KASH5: variants seen among roughly 807,000 people sequenced by gnomAD.
The protein encoded by KASH5 is KASH domain containing 5, also known as protein KASH5.
A neutral mutation model predicts 84.2 loss-of-function variants in KASH5; 72 were observed. That is an observed-to-expected ratio of 0.85 (90% CI 0.71 to 1.04). The LOEUF (loss-of-function observed/expected upper bound fraction) is 1.04, where lower values mean the gene tolerates loss of function less well. Among genes scored for constraint, KASH5 ranks in the 50% least tolerant of loss-of-function variants. The probability of loss-of-function intolerance (pLI) is 0.00; values close to 1 mark genes in which losing one functional copy is unlikely to be tolerated. For synonymous variants in KASH5, 260 were observed against 279.1 expected (o/e 0.93, Z 0.68); for missense variants, 650 against 701.0 (o/e 0.93, Z 0.82).
In KASH5 at chr19:49,417,729, G is replaced by GT; in HGVS notation, c.*219_*220insT. The GT allele has an allele frequency of 1.8e-6, 1 of 546,180 alleles. No homozygotes were observed. The highest frequency in any genetic ancestry group is 2.9e-6 in the Non-Finnish European group (1 of 350,030). The allele number at this position is 546,180 out of a possible 1,614,324, so 33.8% of individuals were successfully genotyped here. On this transcript the variant is annotated 3_prime_UTR_variant, in exon 20 of 20. Coordinates refer to ENST00000447857, the MANE Select transcript of KASH5 (RefSeq NM_144688.5). The surrounding 1 kb of genome is among the most constrained non-coding windows in gnomAD (Gnocchi z 5.2). ...CCCCCAGTAATGGATTAAGCACTAA[G>GT]GATTATTCCCTCACAAAACAAGCCT...
chr19:49,396,910 T>C (rs986586592), intron 5 of KASH5, among the ~76,000 whole-genome samples: 3 of 151,886 alleles, frequency 2.0e-5, no homozygotes, highest in African/African-American at 7.3e-5. Flanking sequence ...AATAAAAAAT[T>C]AGCTGAGTGC....
intron 12 of KASH5, 108 bp from the exon 13 acceptor site, chr19:49,408,859 C>A (rs1050931557): frequency 1.7e-6 from 2 of 1,153,842 alleles, no homozygotes; most frequent in Non-Finnish European, 2.5e-6. Flanking sequence ...TCTGGGGAGC[C>A]CAAAGTAGTC....
rs1179284870 is a variant in KASH5, at chr19:49,414,746, C to A, written c.1329-205C>A. Among the ~76,000 whole-genome samples the A allele has an allele frequency of 7.0e-6, 1 of 141,888 alleles. No homozygotes were observed. Among genetic ancestry groups the A allele is most frequent in the Non-Finnish European group, 1.5e-5 (1 of 64,902 alleles). The allele number at this position is 141,888 out of a possible 152,430, so 93.1% of individuals were successfully genotyped here. A position where few individuals can be genotyped will look rare whatever the true frequency, so the allele number is the denominator to read the frequency against. ...GCTGCCTGGCCTCCCCCAGGCCCGT[C>A]CGTGCTGCCTGGCCTCCCCCAGGCC... On this transcript the variant is annotated intron_variant, in intron 16 of 19. Transcript: ENST00000447857. The surrounding 1 kb of genome is among the most constrained non-coding windows in gnomAD (Gnocchi z 4.5).
Position 49,406,934 on chromosome 19 carries a change from G to A in KASH5, c.847G>A (p.Glu283Lys). Residue 283 changes from glutamate to lysine, a missense_variant, in exon 10 of 20, where the codon GAG becomes AAG. Physicochemically the swap from Glu to Lys is moderately conservative, Grantham distance 56. Transcript: ENST00000447857. Reference sequence around the variant, plus strand: ...GGATGGAGTGAAAAAGAGAAGTCAGGAGCTGGCCATGGAGAAGGACACTTT... The same window carrying A: ...GGATGGAGTGAAAAAGAGAAGTCAGAAGCTGGCCATGGAGAAGGACACTTT... ...ERDGVKKRSQ[E>K]LAMEKDTLKR... 6.2e-7 allele frequency: 1 copy of A among 1,602,382 alleles called. No homozygotes were observed. Among genetic ancestry groups the A allele is most frequent in the Non-Finnish European group, 8.5e-7 (1 of 1,174,512 alleles).
Position 49,394,546 on chromosome 19 carries a change from C to T in KASH5, c.114C>T (p.Asn38=), listed in dbSNP as rs1341434658. 6.2e-7 allele frequency: 1 copy of T among 1,613,710 alleles called. No homozygotes were observed. Among genetic ancestry groups the T allele is most frequent in the Non-Finnish European group, 8.5e-7 (1 of 1,179,860 alleles). Residue 38 remains asparagine (N), a synonymous_variant, in exon 3 of 20, where the codon AAC becomes AAT. Transcript: ENST00000447857. ...MPVSLEEQIL[N]STFEACDPQR... ...TCAGCTTGGAGGAGCAAATACTCAA[C>T]TCCACGTTCGAAGCTTGTGACCCTC...
chr19:49,405,835 A>AC (rs1974507564), intron 9 of KASH5, among the ~76,000 whole-genome samples: 1 of 151,944 alleles, frequency 6.6e-6, no homozygotes. Context: ...ACATGCCTGT[A>AC]ATCCCAGCTA....
intron 9 of KASH5, among the ~76,000 whole-genome samples, chr19:49,402,706 CA>C (rs1015282534): frequency 5.9e-5 from 9 of 151,968 alleles, no homozygotes; most frequent in Admixed American, 4.6e-4. Flanking sequence ...GACTCTGTCT[CA>C]AAAAAAATTT....
intron 1 of KASH5, 73 bp downstream of exon 1, chr19:49,388,400 C>G (rs905219436): frequency 3.9e-5 from 6 of 152,312 alleles, no homozygotes; most frequent in African/African-American, 1.4e-4. Flanking sequence ...GCGAAGCCCC[C>G]CCATATTGTG....
In KASH5 at chr19:49,412,446, C is replaced by T. The variant is rs1029346383; in HGVS notation, c.1270-522C>T. ...GGGCTGCCTGGAAGAGTTGGGTGCA[C>T]CATCCTGGAGCTCGAGGATTGCGTT... On this transcript the variant is annotated intron_variant, in intron 15 of 19. Transcript: ENST00000447857. The surrounding 1 kb of genome is among the most constrained non-coding windows in gnomAD (Gnocchi z 4.6). 6.6e-6 allele frequency among the ~76,000 whole-genome samples: 1 copy of T among 152,024 alleles called. No individual in the cohort carries two copies. Among genetic ancestry groups the T allele is most frequent in the Non-Finnish European group, 1.5e-5 (1 of 68,006 alleles).
chr19:49,403,153 C>G (rs7255390), intron 9 of KASH5, among the ~76,000 whole-genome samples: 78,597 of 151,556 alleles, frequency 0.52, 20,417 homozygotes, highest in South Asian at 0.65. Flanking sequence ...GTCAGGAGAT[C>G]GAGACTATCC....
In KASH5 at chr19:49,417,428, T is replaced by TG; in HGVS notation, c.1607_1608insG (p.Ser537LeufsTer41). Reference sequence around the variant, plus strand: ...CTGGGCCTGCTGCTGCTGCTGCTGCTCTCTGTCCTGCTGCTTGGCCCGTCC... The same window carrying TG: ...CTGGGCCTGCTGCTGCTGCTGCTGCTGCTCTGTCCTGCTGCTTGGCCCGTCC... On this transcript the variant is annotated frameshift_variant, in exon 20 of 20. Coordinates refer to ENST00000447857, the MANE Select transcript of KASH5 (RefSeq NM_144688.5). LOFTEE classifies it high-confidence loss of function. The surrounding 1 kb of genome is among the most constrained non-coding windows in gnomAD (Gnocchi z 5.2). 6.4e-7 allele frequency: 1 copy of TG among 1,556,010 alleles called. No homozygotes were observed. Among genetic ancestry groups the TG allele is most frequent in the Non-Finnish European group, 8.7e-7 (1 of 1,149,748 alleles).
chr19:49,409,597 T>C (rs1974646557), intron 14 of KASH5, among the ~76,000 whole-genome samples, 156 bp from the exon 15 acceptor site: 1 of 152,116 alleles, frequency 6.6e-6, no homozygotes, highest in Non-Finnish European at 1.5e-5. Flanking sequence ...CCTCCCCTGT[T>C]CCTGCTTCTG....
chr19:49,395,052 A>T lies in KASH5; in HGVS notation c.149-54A>T. On this transcript the variant is annotated intron_variant, in intron 3 of 19. Coordinates refer to ENST00000447857, the MANE Select transcript of KASH5 (RefSeq NM_144688.5). The surrounding 1 kb of genome is among the most constrained non-coding windows in gnomAD (Gnocchi z 4.4). ...CCTGGTCCCAAGCTGCTGCCAGTCC[A>T]TACCCATCACTCCCCACCTGCCCCA... is the stretch of plus-strand genomic sequence containing the variant. 1 of 1,431,086 alleles carries T rather than the reference A, an allele frequency of 7.0e-7. No homozygotes were observed. The highest frequency in any genetic ancestry group is 1.3e-5 in the South Asian group (1 of 76,646). 88.6% of individuals were successfully genotyped at this position (1,431,086 alleles called of 1,614,324 possible).
rs1973981955 is a variant in KASH5, at chr19:49,390,910, T to C, written c.27T>C (p.Gly9=). 6.2e-7 allele frequency: 1 copy of C among 1,603,464 alleles called. No individual in the cohort carries two copies. The highest frequency in any genetic ancestry group is 1.3e-5 in the African/African-American group (1 of 74,106). ...TGGACCTGCCCGAGGGCCCGGTGGG[T>C]GGCCCCACTGCGGAAAGTAAGTGGC... MDLPEGPV[G]GPTAEMYLRE... The change falls in exon 2 of 20, where the codon GGT becomes GGC. Residue 9 remains glycine (G), a synonymous_variant. Transcript: ENST00000447857.
rs146412307 is a variant in KASH5 at position 49,400,251 on chromosome 19, G to T, written c.798+744G>T. 7.2e-3 allele frequency among the ~76,000 whole-genome samples: 1,063 copies of T among 147,436 alleles called. 20 individuals carry two copies. Among genetic ancestry groups the T allele is most frequent in the Middle Eastern group, 0.043 (12 of 276 alleles). ...AAAAAAAAAAAAAAAAAAAAAATTG[G>T]ATTTGAAGTCAACCTTGAGTTCAAA... On this transcript the variant is annotated intron_variant, in intron 9 of 19. Coordinates refer to ENST00000447857, the MANE Select transcript of KASH5 (RefSeq NM_144688.5).
chr19:49,417,659 T>G lies in KASH5; in HGVS notation c.*149T>G. The stretch of plus-strand genomic sequence containing the variant: ...CACATCCCTGTATTTTTATGTGAAG[T>G]CTCCTAGTTTTTTAATGCTGACATT... On this transcript the variant is annotated 3_prime_UTR_variant, in exon 20 of 20. Transcript: ENST00000447857. This position sits in a 1 kb window ranked among gnomAD's most constrained non-coding sequence, Gnocchi z 5.2. The G allele has an allele frequency of 9.9e-7, 1 of 1,014,012 alleles. No homozygotes were observed. Among genetic ancestry groups the G allele is most frequent in the Non-Finnish European group, 1.3e-6 (1 of 757,322 alleles). 62.8% of individuals were successfully genotyped at this position (1,014,012 alleles called of 1,614,324 possible). A position where few individuals can be genotyped will look rare whatever the true frequency, so the allele number is the denominator to read the frequency against.
chr19:49,396,282 T>C (rs1974179738), intron 5 of KASH5, among the ~76,000 whole-genome samples: 2 of 141,402 alleles, frequency 1.4e-5, no homozygotes, highest in African/African-American at 2.7e-5. Context: ...AGATAAGAGT[T>C]TCACTCCTGT....
chr19:49,413,452 G>A (rs1033862103), intron 16 of KASH5, among the ~76,000 whole-genome samples: 2 of 152,296 alleles, frequency 1.3e-5, no homozygotes, highest in Admixed American at 6.5e-5. Flanking sequence ...TAGATGACTG[G>A]GCCCACCCTC....
chr19:49,414,719 G>GTGCTGCCTGGCCTCCCCCAGGCCCGTCCA lies in KASH5; in HGVS notation c.1329-204_1329-203insATGCTGCCTGGCCTCCCCCAGGCCCGTCC. Reference sequence around the variant, plus strand: ...TGCCTGGCCTCCCCCAGGCCCGTCCGTGCTGCCTGGCCTCCCCCAGGCCCG... The same window carrying GTGCTGCCTGGCCTCCCCCAGGCCCGTCCA: ...TGCCTGGCCTCCCCCAGGCCCGTCCGTGCTGCCTGGCCTCCCCCAGGCCCGTCCATGCTGCCTGGCCTCCCCCAGGCCCG... On this transcript the variant is annotated intron_variant, in intron 16 of 19. Transcript: ENST00000447857. This position sits in a 1 kb window ranked among gnomAD's most constrained non-coding sequence, Gnocchi z 4.5. 6.9e-6 allele frequency among the ~76,000 whole-genome samples: 1 copy of GTGCTGCCTGGCCTCCCCCAGGCCCGTCCA among 145,772 alleles called. No individual in the cohort carries two copies. The highest frequency in any genetic ancestry group is 1.5e-5 in the Non-Finnish European group (1 of 66,152).
Sources: allele counts gnomAD v4.1 joint callset (sites outside exome capture counted in the v4.1 genomes callset), GRCh38; gene constraint gnomAD v4.1.1; non-coding constraint Gnocchi (gnomAD v3.1); transcripts MANE v1.5; gene names NCBI Gene and HGNC (gene_info 2026-07-23, HGNC 2026-07-21).